PRMT3: variants seen among roughly 807,000 people sequenced by gnomAD.
PRMT3 encodes protein arginine N-methyltransferase 3.
In PRMT3, 62 loss-of-function variants were observed where a neutral mutation model predicts 71.9. The observed-to-expected ratio is 0.86, with a 90% CI of 0.70 to 1.07. PRMT3 has a LOEUF of 1.07. Among genes scored for constraint, PRMT3 ranks in the 50% least tolerant of loss-of-function variants. PRMT3 has a pLI of 0.00. For missense variants in PRMT3, 663 were observed against 643.0 expected (o/e 1.03, Z -0.34); for synonymous variants, 213 against 220.4 (o/e 0.97, Z 0.30).
chr11:20,405,179 T>C (rs1849043297), intron 8 of PRMT3, among the ~76,000 whole-genome samples: 1 of 152,178 alleles, frequency 6.6e-6, no homozygotes, highest in Admixed American at 6.5e-5. Context: ...ATATGGTTTC[T>C]CAGATTAATT....
At chr11:20,464,251 A>T (rs1318339602) in intron 12 of PRMT3, among the ~76,000 whole-genome samples, 1 of 152,190 alleles carries the variant, frequency 6.6e-6, no homozygotes, top group Non-Finnish European at 1.5e-5. Context: ...TTAAGAAAAA[A>T]TTAACAAGAT....
chr11:20,429,062 T>A (rs967369063), intron 10 of PRMT3, among the ~76,000 whole-genome samples: 11 of 152,198 alleles, frequency 7.2e-5, no homozygotes, highest in African/African-American at 2.4e-4. Context: ...ACATTAAATT[T>A]CCTCTATTTT....
At chr11:20,388,179 T>C in intron 2 of PRMT3, 25 bp downstream of exon 2, 1 of 1,613,622 alleles carries the variant, frequency 6.2e-7, no homozygotes, top group Non-Finnish European at 8.5e-7. Context: ...GCGCCTGGCC[T>C]CTGCCCTAGG....
At position 20,452,203 on chromosome 11, in the gene PRMT3, G is replaced by A; in HGVS notation, c.1067G>A (p.Gly356Asp). 2 of 1,599,014 alleles carry A rather than the reference G, an allele frequency of 1.3e-6. No individual in the cohort carries two copies. Among genetic ancestry groups the A allele is most frequent in the East Asian group, 2.2e-5 (1 of 44,714 alleles). ...YAKNKYLAKG[G>D]SVYPDICTIS... ...AAGAACAAATACTTGGCAAAAGGAG[G>A]CTCGGGTGAGTATAAAATTCTGGTT... The change falls in exon 11 of 16, where the codon GGC becomes GAC. Residue 356 changes from glycine (G) to aspartate (D), a missense_variant. By Grantham distance (94) the Gly-to-Asp change is moderately conservative. Transcript: ENST00000331079.
At chr11:20,463,949 A>T (rs935947615) in intron 12 of PRMT3, among the ~76,000 whole-genome samples, 3 of 152,226 alleles carry the variant, frequency 2.0e-5, no homozygotes, top group Non-Finnish European at 4.4e-5. Flanking sequence ...TTCTCCTCAT[A>T]TCTAACAAAA....
rs940918387 is a variant in PRMT3 at position 20,441,789 on chromosome 11, T to G, written c.994-10341T>G. ...ATAACCTACCTACAATAGTTTCAGG[T>G]TTTTTTTTTTTTTTTTTTTTGAGAT... is the stretch of plus-strand genomic sequence containing the variant. On this transcript the variant is annotated intron_variant, in intron 10 of 15. Coordinates refer to ENST00000331079, the MANE Select transcript of PRMT3 (RefSeq NM_005788.4). Among the ~76,000 whole-genome samples, 16 of 92,318 alleles carry G rather than the reference T, an allele frequency of 1.7e-4. No homozygotes were observed. The Admixed American group carries it at 2.0e-3, about 12-fold the overall frequency. 60.6% of individuals were successfully genotyped at this position (92,318 alleles called of 152,430 possible). A position where few individuals can be genotyped will look rare whatever the true frequency, so the allele number is the denominator to read the frequency against.
intron 13 of PRMT3, among the ~76,000 whole-genome samples, chr11:20,486,649 T>G (rs737183): frequency 0.86 from 130,368 of 151,962 alleles, 56,461 homozygotes; most frequent in Middle Eastern, 0.91. Context: ...AGGAACATTG[T>G]AATCAGAAGA....
intron 10 of PRMT3, among the ~76,000 whole-genome samples, chr11:20,427,130 A>G (rs983129788): frequency 1.3e-5 from 2 of 152,132 alleles, no homozygotes; most frequent in Admixed American, 6.5e-5. Flanking sequence ...AAAAGTCCTG[A>G]TAAATTATTT....
At chr11:20,464,567 T>C in intron 13 of PRMT3, 21 bp downstream of exon 13, 1 of 1,605,056 alleles carries the variant, frequency 6.2e-7, no homozygotes, top group South Asian at 1.1e-5. Context: ...TCATTCTGCT[T>C]TTACAAATTT....
At chr11:20,505,695 T>C (rs1330621821) in intron 15 of PRMT3, among the ~76,000 whole-genome samples, 1 of 152,112 alleles carries the variant, frequency 6.6e-6, no homozygotes, top group Admixed American at 6.6e-5. Flanking sequence ...AATAGAAAAG[T>C]CAAAATAGGA....
At chr11:20,500,855 G>T (rs1427854910) in intron 15 of PRMT3, among the ~76,000 whole-genome samples, 6 of 152,162 alleles carry the variant, frequency 3.9e-5, no homozygotes, top group Admixed American at 3.9e-4. Context: ...TTTTATGTAA[G>T]TAACACCGTA....
At chr11:20,499,360 G>A (rs1851404417) in intron 15 of PRMT3, among the ~76,000 whole-genome samples, 1 of 152,196 alleles carries the variant, frequency 6.6e-6, no homozygotes, top group African/African-American at 2.4e-5. Context: ...GGTGGTTCAT[G>A]CCTGTAATCC....
At chr11:20,405,272 G>C (rs1440806600) in intron 8 of PRMT3, among the ~76,000 whole-genome samples, 1 of 151,790 alleles carries the variant, frequency 6.6e-6, no homozygotes, top group Non-Finnish European at 1.5e-5. Context: ...TTCCCAGTTA[G>C]GTGCCTTCTT....
intron 15 of PRMT3, among the ~76,000 whole-genome samples, chr11:20,503,612 T>C (rs915346542): frequency 4.0e-5 from 6 of 151,674 alleles, no homozygotes; most frequent in Admixed American, 1.3e-4. Context: ...ATACAGCATG[T>C]ACTCTAGCTT....
intron 10 of PRMT3, among the ~76,000 whole-genome samples, chr11:20,429,701 CTTGTT>C (rs1235832413): frequency 6.6e-6 from 1 of 152,120 alleles, no homozygotes; most frequent in Non-Finnish European, 1.5e-5. Flanking sequence ...TCTGCCTTTC[CTTGTT>C]TTAAGTGAGT....
chr11:20,409,479 A>G (rs1359745127), intron 9 of PRMT3, among the ~76,000 whole-genome samples: 1 of 152,216 alleles, frequency 6.6e-6, no homozygotes, highest in African/African-American at 2.4e-5. Context: ...TCTAAGTAAG[A>G]TATACATATA....
intron 8 of PRMT3, among the ~76,000 whole-genome samples, chr11:20,403,547 T>C (rs1488777237): frequency 6.6e-6 from 1 of 152,202 alleles, no homozygotes; most frequent in African/African-American, 2.4e-5. Flanking sequence ...TGTGTGTGCA[T>C]GTGCCTGTGT....
intron 15 of PRMT3, 86 bp from the exon 16 acceptor site, chr11:20,508,214 CAATA>C (rs2133714949): frequency 1.8e-6 from 1 of 554,872 alleles, no homozygotes; most frequent in Non-Finnish European, 3.1e-6. Context: ...GAAAACATCA[CAATA>C]AAAAGAAGTG....
At chr11:20,393,312 T>C (rs1034740741) in intron 5 of PRMT3, among the ~76,000 whole-genome samples, 33 of 152,096 alleles carry the variant, frequency 2.2e-4, no homozygotes, top group Non-Finnish European at 4.9e-4. Context: ...CCGGGCATGG[T>C]GGCGGGCTTC....
Sources: gnomAD v4.1 joint callset for allele counts (sites outside exome capture counted in the v4.1 genomes callset) on GRCh38, gnomAD v4.1.1 for gene constraint, MANE v1.5 for transcripts, NCBI Gene and HGNC (gene_info 2026-07-23, HGNC 2026-07-21) for gene names.